The following TFEC variants were observed in gnomAD, a reference collection of about 807,000 sequenced individuals.
TFEC encodes the protein transcription factor EC.
Under a neutral mutation model 41.6 loss-of-function variants are expected in TFEC, and 31 were observed. The ratio of observed to expected loss-of-function variants is 0.74; its 90% CI spans 0.56 to 1.01. The LOEUF is 1.01. Ranked by LOEUF, TFEC falls within the 50% of genes least tolerant of loss-of-function variation. The pLI is 0.00. For synonymous variants in TFEC, 143 were observed against 140.6 expected (o/e 1.02, Z -0.12); for missense variants, 402 against 404.1 (o/e 0.99, Z 0.04).
chr7:116,022,785 G>A (rs986080039), intron 1 of TFEC, among the ~76,000 whole-genome samples: 1 of 152,004 alleles, frequency 6.6e-6, no homozygotes, highest in Non-Finnish European at 1.5e-5. Context: ...TTATTTAAAA[G>A]CAGCACTAAA....
intron 1 of TFEC, among the ~76,000 whole-genome samples, chr7:116,137,722 A>G (rs1051159091): frequency 5.3e-5 from 8 of 152,130 alleles, no homozygotes; most frequent in Non-Finnish European, 7.4e-5. Context: ...AAGGGTTCAA[A>G]TGTCAAGAAA....
intron 5 of TFEC, among the ~76,000 whole-genome samples, chr7:115,951,908 A>G (rs895791287): frequency 6.6e-6 from 1 of 152,052 alleles, no homozygotes; most frequent in Non-Finnish European, 1.5e-5. Context: ...CTATATTCCT[A>G]ATATCAAGAA....
intron 1 of TFEC, among the ~76,000 whole-genome samples, chr7:115,991,443 G>C (rs1412068156): frequency 6.6e-6 from 1 of 152,124 alleles, no homozygotes. Flanking sequence ...ATTGGATAAA[G>C]AGTCAAGAGC....
chr7:116,146,560 T>C (rs73719117), intron 1 of TFEC, among the ~76,000 whole-genome samples: 22,623 of 152,102 alleles, frequency 0.15, 1,729 homozygotes, highest in East Asian at 0.25. Flanking sequence ...TATTAGAAAA[T>C]GCAGATTAAA....
At chr7:116,007,889 C>T (rs186121503) in intron 1 of TFEC, among the ~76,000 whole-genome samples, 18 of 152,292 alleles carry the variant, frequency 1.2e-4, no homozygotes, top group Admixed American at 9.8e-4. Context: ...TCTTTCTATA[C>T]AGAAAGCATA....
chr7:116,148,620 A>T (rs1027643443), intron 1 of TFEC, among the ~76,000 whole-genome samples: 3 of 152,210 alleles, frequency 2.0e-5, no homozygotes, highest in African/African-American at 7.2e-5. Context: ...TTTGTCCAAA[A>T]TACTGGAAAA....
intron 6 of TFEC, among the ~76,000 whole-genome samples, chr7:115,946,279 T>C (rs947003409): frequency 6.6e-6 from 1 of 151,174 alleles, no homozygotes; most frequent in African/African-American, 2.4e-5. Context: ...CTTCACAATC[T>C]AGTATGTACA....
At position 115,937,731 on chromosome 7, in the gene TFEC, G is replaced by T. The variant is rs576086219; in HGVS notation, c.*2820C>A. The T allele has an allele frequency of 2.0e-5, 3 of 151,656 alleles. No homozygotes were observed. In the East Asian group the frequency reaches 5.8e-4, roughly 29 times the overall value. 9.4% of individuals were successfully genotyped at this position (151,656 alleles called of 1,614,324 possible). On this transcript the variant is annotated 3_prime_UTR_variant, in exon 8 of 8. Transcript: ENST00000265440. ...GATAATTATATTTAGATAAGTAAGG[G>T]TCCCCCCATTGTTATACATGACATT... is the stretch of plus-strand genomic sequence containing the variant.
At chr7:115,984,564 T>C in intron 1 of TFEC, 51 bp from the exon 2 acceptor site, 1 of 1,577,002 alleles carries the variant, frequency 6.3e-7, no homozygotes, top group South Asian at 1.2e-5. Flanking sequence ...GCTGTGAAAT[T>C]AGAGTTCTCC....
Position 116,011,590 on chromosome 7 carries a change from C to G in TFEC, c.-73+19043G>C, listed in dbSNP as rs186925279. Among the ~76,000 whole-genome samples the G allele has an allele frequency of 1.4e-3, 220 of 152,090 alleles. 1 individual carries two copies. Among genetic ancestry groups the G allele is most frequent in the African/African-American group, 5.2e-3 (214 of 41,474 alleles). On this transcript the variant is annotated intron_variant, in intron 1 of 7. Coordinates refer to ENST00000265440, the MANE Select transcript of TFEC (RefSeq NM_012252.4). ...TATTCTTTTAATAAGAATTAATTGTCCAGGTATTAACAATATTATATGGTT... is the reference window on the plus strand; with the variant it reads ...TATTCTTTTAATAAGAATTAATTGTGCAGGTATTAACAATATTATATGGTT...
intron 3 of TFEC, among the ~76,000 whole-genome samples, chr7:116,067,996 T>C (rs1796734448): frequency 6.6e-6 from 1 of 151,554 alleles, no homozygotes; most frequent in African/African-American, 2.4e-5. Flanking sequence ...CTACTCTATC[T>C]CTCTGATATA....
chr7:115,935,805 A>G lies in TFEC; in HGVS notation c.*4746T>C, dbSNP rs962561606. On this transcript the variant is annotated 3_prime_UTR_variant, in exon 8 of 8. Transcript: ENST00000265440. ...CTGTTATTCTTTATGCCTGTTGGAT[A>G]ATGTAAGAAAAAGACATTTTACAGA... The G allele has an allele frequency of 6.6e-6, 1 of 151,592 alleles. No homozygotes were observed. Among genetic ancestry groups the G allele is most frequent in the Admixed American group, 6.6e-5 (1 of 15,200 alleles). The allele number at this position is 151,592 out of a possible 1,614,324, so 9.4% of individuals were successfully genotyped here.
intron 5 of TFEC, among the ~76,000 whole-genome samples, chr7:115,951,819 G>A (rs2130362442): frequency 6.6e-6 from 1 of 151,952 alleles, no homozygotes; most frequent in East Asian, 1.9e-4. Context: ...GCAATTTTCT[G>A]AACATCGTAA....
At chr7:115,988,476 T>C (rs905751690) in intron 1 of TFEC, among the ~76,000 whole-genome samples, 5 of 151,588 alleles carry the variant, frequency 3.3e-5, no homozygotes, top group Admixed American at 6.6e-5. Context: ...GAGAAAAGGA[T>C]CTCTGAGATT....
chr7:115,949,581 G>C (rs1358770767), intron 6 of TFEC, among the ~76,000 whole-genome samples: 1 of 151,970 alleles, frequency 6.6e-6, no homozygotes, highest in African/African-American at 2.4e-5. Flanking sequence ...ACAAACCTGA[G>C]AAAAACAAGC....
At chr7:116,117,870 T>C (rs775937404) in intron 1 of TFEC, among the ~76,000 whole-genome samples, 8 of 151,878 alleles carry the variant, frequency 5.3e-5, no homozygotes, top group Non-Finnish European at 1.2e-4. Flanking sequence ...AGATTCTGTA[T>C]AGGCAAGAAC....
intron 6 of TFEC, among the ~76,000 whole-genome samples, chr7:115,946,396 C>CGTGTGTGTGTGTGTGT (rs3028673): frequency 2.4e-5 from 3 of 123,070 alleles, no homozygotes; most frequent in South Asian, 3.6e-4. Context: ...AGAAACATAA[C>CGTGTGTGTGTGTGTGT]GTGTGTGTGT....
intron 1 of TFEC, among the ~76,000 whole-genome samples, chr7:116,117,075 A>G (rs1028845900): frequency 1.3e-5 from 2 of 151,940 alleles, no homozygotes; most frequent in Admixed American, 1.3e-4. Flanking sequence ...AAAGAATCCA[A>G]CAAAAATAAA....
intron 1 of TFEC, among the ~76,000 whole-genome samples, chr7:115,997,377 T>A (rs1041924953): frequency 6.6e-6 from 1 of 152,212 alleles, no homozygotes; most frequent in African/African-American, 2.4e-5. Flanking sequence ...ACAGCACTAC[T>A]AATCTTTAGC....
Sources: allele counts gnomAD v4.1 joint callset (sites outside exome capture counted in the v4.1 genomes callset), GRCh38; gene constraint gnomAD v4.1.1; transcripts MANE v1.5; gene names NCBI Gene and HGNC (gene_info 2026-07-23, HGNC 2026-07-21).